The following PPP2R5C variants were observed in gnomAD, a reference collection of about 807,000 sequenced individuals.
PPP2R5C encodes the protein protein phosphatase 2 regulatory subunit B'gamma.
Under a neutral mutation model 68.9 loss-of-function variants are expected in PPP2R5C, and 7 were observed. That is an observed-to-expected ratio of 0.10 (90% CI 0.06 to 0.19). PPP2R5C has a LOEUF of 0.19. Among genes scored for constraint, PPP2R5C ranks in the 10% least tolerant of loss-of-function variants. PPP2R5C has a pLI of 1.00. For synonymous variants in PPP2R5C, 210 were observed against 222.2 expected, an observed-to-expected ratio of 0.95 and a Z score of 0.49; for missense variants, 348 against 641.3, an observed-to-expected ratio of 0.54 and a Z score of 4.94.
intron 1 of PPP2R5C, among the ~76,000 whole-genome samples, chr14:101,834,089 G>A (rs746553182): frequency 5.9e-5 from 9 of 152,278 alleles, no homozygotes; most frequent in Non-Finnish European, 1.3e-4. Context: ...GATTACAAGC[G>A]TCAGCCACCA....
At chr14:101,809,907 C>G (rs1331492544) in exon 1 of PPP2R5C, 1 of 1,605,648 alleles carries the variant, frequency 6.2e-7, no homozygotes, top group Non-Finnish European at 8.5e-7. Context: ...GGTTTCTTGC[C>G]TTAAGGAGCC....
chr14:101,842,542 G>C (rs1389935161), intron 1 of PPP2R5C, among the ~76,000 whole-genome samples: 1 of 152,144 alleles, frequency 6.6e-6, no homozygotes, highest in Non-Finnish European at 1.5e-5. Context: ...CTGGTGACAG[G>C]CATGAGGGTA....
intron 2 of PPP2R5C, among the ~76,000 whole-genome samples, chr14:101,866,664 C>T (rs766255587): frequency 4.6e-5 from 7 of 151,506 alleles, no homozygotes; most frequent in Non-Finnish European, 7.4e-5. Flanking sequence ...AGCAAGACTC[C>T]GTCTCAAAAA....
At chr14:101,925,377 T>C (rs1420204157) in exon 14 of PPP2R5C, 28 of 1,479,774 alleles carry the variant, frequency 1.9e-5, no homozygotes, top group Non-Finnish European at 2.4e-5. Context: ...CAAAGCTTTC[T>C]TGGACCCCGT....
At chr14:101,912,908 G>A (rs959926830) in intron 12 of PPP2R5C, among the ~76,000 whole-genome samples, 1 of 152,194 alleles carries the variant, frequency 6.6e-6, no homozygotes, top group African/African-American at 2.4e-5. Context: ...CTTTGTATGA[G>A]GTTTCTGTAA....
At chr14:101,909,001 G>C (rs1251618621) in intron 10 of PPP2R5C, among the ~76,000 whole-genome samples, 1 of 152,198 alleles carries the variant, frequency 6.6e-6, no homozygotes, top group Non-Finnish European at 1.5e-5. Context: ...TGTCTGCTGG[G>C]GGATCGGGGC....
At chr14:101,761,789 G>C, upstream of PPP2R5C, 3 of 973,432 alleles carry the variant, frequency 3.1e-6, no homozygotes, top group Non-Finnish European at 3.6e-6. Flanking sequence ...CCGGGCGGCG[G>C]CGGCGGCGGC....
chr14:101,836,188 C>T, intron 1 of PPP2R5C: 2 of 702,356 alleles, frequency 2.8e-6, no homozygotes, highest in Non-Finnish European at 5.2e-6. Context: ...TGAAGCTGGG[C>T]AGGGTTTCAG....
chr14:101,901,396 C>A (rs1355982075), intron 8 of PPP2R5C, among the ~76,000 whole-genome samples: 1 of 152,064 alleles, frequency 6.6e-6, no homozygotes, highest in Non-Finnish European at 1.5e-5. Flanking sequence ...GCAGGTGGTA[C>A]GTGCCTGTGG....
At chr14:101,862,107 G>A (rs1174767065) in intron 2 of PPP2R5C, among the ~76,000 whole-genome samples, 2 of 152,078 alleles carry the variant, frequency 1.3e-5, no homozygotes, top group Non-Finnish European at 2.9e-5. Context: ...TAGACACGGG[G>A]TCTCCACTCT....
chr14:101,810,040 A>G, intron 1 of PPP2R5C: 1 of 1,612,750 alleles, frequency 6.2e-7, no homozygotes, highest in African/African-American at 1.3e-5. Flanking sequence ...ATTCGAGGTA[A>G]GTTATTGTGT....
chr14:101,852,724 G>A (rs925090241), intron 1 of PPP2R5C, among the ~76,000 whole-genome samples: 4 of 151,870 alleles, frequency 2.6e-5, no homozygotes, highest in East Asian at 1.9e-4. Flanking sequence ...CACCCATCTC[G>A]GCCTCCCAAA....
At chr14:101,842,028 C>T (rs2041506377) in intron 1 of PPP2R5C, among the ~76,000 whole-genome samples, 1 of 152,080 alleles carries the variant, frequency 6.6e-6, no homozygotes, top group African/African-American at 2.4e-5. Context: ...CTGCAGGTTC[C>T]CCCCACCAAA....
intron 5 of PPP2R5C, among the ~76,000 whole-genome samples, chr14:101,884,013 T>C (rs1031683269): frequency 6.6e-6 from 1 of 152,232 alleles, no homozygotes; most frequent in African/African-American, 2.4e-5. Context: ...ATAGGCTGTC[T>C]GCAGGCCGAG....
chr14:101,827,985 T>C (rs2040498813), intron 1 of PPP2R5C, among the ~76,000 whole-genome samples: 2 of 152,176 alleles, frequency 1.3e-5, no homozygotes, highest in African/African-American at 2.4e-5. Flanking sequence ...TATTTGTATG[T>C]TAGGATGATA....
intron 3 of PPP2R5C, among the ~76,000 whole-genome samples, chr14:101,804,150 T>C (rs1325708549): frequency 1.3e-5 from 2 of 152,150 alleles, no homozygotes; most frequent in Admixed American, 6.5e-5. Context: ...ATTAGAGAAA[T>C]GCAAATCAAA....
In PPP2R5C at chr14:101,871,228, T is replaced by TTTG. The variant is rs1555395078; in HGVS notation, c.295-10906_295-10904dup. On this transcript the variant is annotated intron_variant, in intron 2 of 13. Transcript: ENST00000334743. Reference sequence around the variant, plus strand: ...GTCTTGGTTTTTTTTTGTTTTGGTTTTTGTTGTTGTTGTTGTTGTTGTTGT... The same window carrying TTTG: ...GTCTTGGTTTTTTTTTGTTTTGGTTTTTGTTGTTGTTGTTGTTGTTGTTGTTGT... Among the ~76,000 whole-genome samples, 262 of 117,646 alleles carry TTTG rather than the reference T, an allele frequency of 2.2e-3. 3 individuals carry two copies. The highest frequency in any genetic ancestry group is 0.011 in the South Asian group (43 of 3,786). 77.2% of individuals were successfully genotyped at this position (117,646 alleles called of 152,430 possible).
At chr14:101,773,332 G>T (rs2037251867) in intron 2 of PPP2R5C, among the ~76,000 whole-genome samples, 2 of 152,216 alleles carry the variant, frequency 1.3e-5, no homozygotes, top group South Asian at 2.1e-4. Context: ...ACACACCACT[G>T]GTGGACAGGA....
At chr14:101,846,034 G>A (rs1038482048) in intron 1 of PPP2R5C, among the ~76,000 whole-genome samples, 4 of 152,180 alleles carry the variant, frequency 2.6e-5, no homozygotes, top group African/African-American at 9.6e-5. Context: ...CAGCATCCCT[G>A]GTGACAGGAA....
Sources: allele counts gnomAD v4.1 joint callset (sites outside exome capture counted in the v4.1 genomes callset), GRCh38; gene constraint gnomAD v4.1.1; transcripts MANE v1.5; gene names NCBI Gene and HGNC (gene_info 2026-07-23, HGNC 2026-07-21).